Variants in AKAP13 observed in about 807,000 individuals in gnomAD.
AKAP13 encodes A-kinase anchoring protein 13.
A neutral mutation model predicts 264.5 loss-of-function variants in AKAP13; 80 were observed. The observed-to-expected ratio is 0.30, with a 90% CI of 0.25 to 0.36. The LOEUF (loss-of-function observed/expected upper bound fraction) is 0.36, where lower values mean the gene tolerates loss of function less well. Ranked by LOEUF, AKAP13 falls within the 10% of genes least tolerant of loss-of-function variation. The pLI, the probability that AKAP13 is intolerant of heterozygous loss-of-function variation, is 1.00. For synonymous variants in AKAP13, 1,380 were observed against 1,250.2 expected (o/e 1.10, Z -2.19); for missense variants, 3,712 against 3,435.2 (o/e 1.08, Z -2.01).
intron 4 of AKAP13, among the ~76,000 whole-genome samples, chr15:85,543,214 A>G (rs1004854481): frequency 6.6e-6 from 1 of 152,182 alleles, no homozygotes; most frequent in East Asian, 1.9e-4. Context: ...CAGAAATTTG[A>G]TTTGCCCTTA....
chr15:85,611,669 C>G lies in AKAP13; in HGVS notation c.4161+25846C>G, dbSNP rs188637815. On this transcript the variant is annotated intron_variant, in intron 8 of 36. Coordinates refer to ENST00000394518, the MANE Select transcript of AKAP13 (RefSeq NM_007200.5). ...AAAATATATTTTTGAAATACAGATG[C>G]GATCCTGCCTTTCCCTTGCTAACAA... 5.0e-3 allele frequency among the ~76,000 whole-genome samples: 767 copies of G among 152,296 alleles called. 5 individuals are homozygous for G. The highest frequency in any genetic ancestry group is 8.2e-3 in the Non-Finnish European group (557 of 68,030).
intron 8 of AKAP13, among the ~76,000 whole-genome samples, chr15:85,636,189 G>T (rs2082064087): frequency 6.6e-6 from 1 of 152,052 alleles, no homozygotes; most frequent in Non-Finnish European, 1.5e-5. Flanking sequence ...AAATGGTATT[G>T]CTTTTACTTT....
chr15:85,450,640 T>C (rs539534543), intron 1 of AKAP13, among the ~76,000 whole-genome samples: 1 of 152,202 alleles, frequency 6.6e-6, no homozygotes, highest in Non-Finnish European at 1.5e-5. Flanking sequence ...GAGCATGTTC[T>C]TATTTTCCAT....
chr15:85,582,458 CT>C (rs1408180800), intron 7 of AKAP13, among the ~76,000 whole-genome samples: 1 of 152,080 alleles, frequency 6.6e-6, no homozygotes, highest in Non-Finnish European at 1.5e-5. Context: ...TGGCTTAATC[CT>C]TTTCTCTAGT....
intron 5 of AKAP13, among the ~76,000 whole-genome samples, chr15:85,546,977 C>T (rs1596489780): frequency 2.6e-5 from 4 of 152,128 alleles, no homozygotes; most frequent in African/African-American, 9.6e-5. Context: ...CTTCTGACCT[C>T]GTGATCCACC....
intron 1 of AKAP13, chr15:85,415,187 C>T (rs897650917): frequency 7.8e-6 from 10 of 1,280,792 alleles, no homozygotes; most frequent in East Asian, 2.5e-5. Context: ...GCCACGCCGA[C>T]GCAGACCCCG....
chr15:85,578,954 A>G lies in AKAP13; in HGVS notation c.886A>G (p.Ser296Gly). 2 of 1,611,726 alleles carry G rather than the reference A, an allele frequency of 1.2e-6. No individual in the cohort carries two copies. Among genetic ancestry groups the G allele is most frequent in the South Asian group, 2.2e-5 (2 of 90,992 alleles). ...LMKTNLKQMDSLMPLMMTAQD... is the reference protein window; with the variant it reads ...LMKTNLKQMDGLMPLMMTAQD... The stretch of plus-strand genomic sequence containing the variant: ...GAAAACAAACCTCAAGCAGATGGAC[A>G]GTCTTATGCCCTTAATGATGACAGC... Residue 296 changes from serine to glycine, a missense_variant, in exon 7 of 37, where the codon AGT becomes GGT. Ser to Gly is a moderately conservative substitution (Grantham distance 56). This residue lies in a region of AKAP13 where 2,759 missense variants were observed against 2,411.7 expected (regional missense o/e 1.14). Coordinates refer to ENST00000394518, the MANE Select transcript of AKAP13 (RefSeq NM_007200.5).
intron 14 of AKAP13, among the ~76,000 whole-genome samples, chr15:85,679,599 A>G (rs546224402): frequency 1.3e-5 from 2 of 152,334 alleles, no homozygotes; most frequent in South Asian, 2.1e-4. Context: ...AGAAAACCAC[A>G]ATATGTGCAG....
At chr15:85,498,678 CAT>C (rs1356831124) in intron 2 of AKAP13, among the ~76,000 whole-genome samples, 1 of 152,114 alleles carries the variant, frequency 6.6e-6, no homozygotes, top group South Asian at 2.1e-4. Flanking sequence ...AAATGTAAGA[CAT>C]ACATCCTATA....
chr15:85,389,817 C>T (rs1284323054), intron 1 of AKAP13: 1 of 152,222 alleles, frequency 6.6e-6, no homozygotes, highest in Non-Finnish European at 1.5e-5. Context: ...TTCTGTCCCC[C>T]CGTGGGGGAG....
intron 1 of AKAP13, among the ~76,000 whole-genome samples, chr15:85,458,004 G>C (rs2074341353): frequency 6.6e-6 from 1 of 152,004 alleles, no homozygotes; most frequent in South Asian, 2.1e-4. Context: ...GCTGGGTGTG[G>C]TGGCGCCCGC....
intron 1 of AKAP13, among the ~76,000 whole-genome samples, chr15:85,384,351 C>T (rs1022157477): frequency 6.6e-6 from 1 of 152,204 alleles, no homozygotes; most frequent in African/African-American, 2.4e-5. Flanking sequence ...AGTAGCTTCC[C>T]TCTCTCTTTC....
In AKAP13 at chr15:85,715,772, T is replaced by G. The variant is rs1477738153; in HGVS notation, c.5600-16T>G. On this transcript the variant is annotated splice_polypyrimidine_tract_variant and intron_variant, in intron 19 of 36. Transcript: ENST00000394518. ...GCTGGATGGGTGATGCTTCAGTTAGTGTCCTCCTTTTGCAGCCTCACAGCC... is the reference window on the plus strand; with the variant it reads ...GCTGGATGGGTGATGCTTCAGTTAGGGTCCTCCTTTTGCAGCCTCACAGCC... 1 of 1,602,588 alleles carries G rather than the reference T, an allele frequency of 6.2e-7. No homozygotes were observed.
At chr15:85,565,442 G>C (rs1484614570) in intron 5 of AKAP13, among the ~76,000 whole-genome samples, 1 of 152,098 alleles carries the variant, frequency 6.6e-6, no homozygotes, top group African/African-American at 2.4e-5. Context: ...GTCCTGCAAG[G>C]CCTGATTTGG....
At chr15:85,621,712 G>A (rs1392527604) in intron 8 of AKAP13, among the ~76,000 whole-genome samples, 1 of 152,086 alleles carries the variant, frequency 6.6e-6, no homozygotes, top group Non-Finnish European at 1.5e-5. Context: ...TTCCATATAC[G>A]TTACTTAATT....
At chr15:85,511,002 G>A (rs2076397502) in intron 2 of AKAP13, among the ~76,000 whole-genome samples, 1 of 152,012 alleles carries the variant, frequency 6.6e-6, no homozygotes, top group Non-Finnish European at 1.5e-5. Context: ...CAAGGCACAG[G>A]AATAGATAGA....
chr15:85,590,013 T>C (rs551433805), intron 8 of AKAP13, among the ~76,000 whole-genome samples: 17 of 152,296 alleles, frequency 1.1e-4, no homozygotes, highest in Non-Finnish European at 5.9e-5. Context: ...GAGTCTGTTT[T>C]CATGCTGAAA....
intron 8 of AKAP13, among the ~76,000 whole-genome samples, chr15:85,614,227 G>T (rs953484462): frequency 2.6e-5 from 4 of 152,284 alleles, no homozygotes; most frequent in African/African-American, 9.6e-5. Flanking sequence ...ATCATGATTC[G>T]AAAGAGAAGC....
intron 2 of AKAP13, among the ~76,000 whole-genome samples, chr15:85,505,083 T>A (rs937031995): frequency 6.6e-6 from 1 of 152,188 alleles, no homozygotes; most frequent in Non-Finnish European, 1.5e-5. Flanking sequence ...CAAGAAGAAC[T>A]TACACTCTTA....
Sources: allele counts gnomAD v4.1 joint callset (sites outside exome capture counted in the v4.1 genomes callset), GRCh38; gene constraint gnomAD v4.1.1; regional missense constraint gnomAD v4.1.1; transcripts MANE v1.5; gene names NCBI Gene and HGNC (gene_info 2026-07-23, HGNC 2026-07-21).